Variants in CNKSR2 observed in about 807,000 individuals in gnomAD.
The protein encoded by CNKSR2 is connector enhancer of kinase suppressor of Ras 2, also known as CNK homolog protein 2.
A neutral mutation model predicts 84.4 loss-of-function variants in CNKSR2; 14 were observed. The ratio of observed to expected loss-of-function variants is 0.17; its 90% CI spans 0.11 to 0.26. The LOEUF is 0.26. CNKSR2 is among the 10% of genes least tolerant of loss of function. The pLI, the probability that CNKSR2 is intolerant of heterozygous loss-of-function variation, is 1.00. For missense variants in CNKSR2, 485 were observed against 771.2 expected, an observed-to-expected ratio of 0.63 and a Z score of 4.40; for synonymous variants, 275 against 277.9, an observed-to-expected ratio of 0.99 and a Z score of 0.10.
intron 10 of CNKSR2, among the ~76,000 whole-genome samples, chrX:21,531,546 G>C (rs1180458414): frequency 1.8e-5 from 2 of 110,984 alleles, no homozygotes; most frequent in Non-Finnish European, 3.8e-5. Flanking sequence ...AACACTAAAA[G>C]CAATTTATGT....
intron 1 of CNKSR2, among the ~76,000 whole-genome samples, chrX:21,402,625 A>G (rs2090207128): frequency 9.0e-6 from 1 of 110,816 alleles, no homozygotes; most frequent in Non-Finnish European, 1.9e-5. Context: ...TAGTAAATAA[A>G]TATTTTTATA....
intron 6 of CNKSR2, among the ~76,000 whole-genome samples, chrX:21,497,378 GTATAA>G (rs1426692672): frequency 9.0e-6 from 1 of 111,595 alleles, no homozygotes; most frequent in Non-Finnish European, 1.9e-5. Flanking sequence ...ACTTTCCATT[GTATAA>G]TATATCAAGT....
At chrX:21,480,991 A>C (rs2091313373) in intron 5 of CNKSR2, among the ~76,000 whole-genome samples, 1 of 112,144 alleles carries the variant, frequency 8.9e-6, no homozygotes, top group African/African-American at 3.2e-5. Context: ...GCCATTTAAA[A>C]GTTGAGTGAC....
intron 1 of CNKSR2, among the ~76,000 whole-genome samples, chrX:21,410,794 G>T (rs2090333790): frequency 9.1e-6 from 1 of 109,726 alleles, no homozygotes; most frequent in African/African-American, 3.3e-5. Flanking sequence ...AAAGGATTGT[G>T]TGTGTGTGTG....
intron 6 of CNKSR2, chrX:21,493,494 T>C (rs1460007995): frequency 8.9e-6 from 1 of 112,221 alleles, no homozygotes; most frequent in African/African-American, 3.2e-5. Context: ...AATGTCATTT[T>C]GGCAACCTGA....
At chrX:21,488,755 C>T (rs927059637) in intron 5 of CNKSR2, among the ~76,000 whole-genome samples, 2 of 111,226 alleles carry the variant, frequency 1.8e-5, no homozygotes, top group East Asian at 2.8e-4. Flanking sequence ...AAATAAATCT[C>T]GGGATCCCCA....
Position 21,470,914 on chromosome X carries a change from G to A in CNKSR2, c.561+107G>A, listed in dbSNP as rs750542116. The A allele has an allele frequency of 1.0e-4, 36 of 343,867 alleles. 1 individual carries two copies. In the Admixed American group the frequency reaches 1.4e-3, roughly 13 times the overall value. 28.3% of individuals were successfully genotyped at this position (343,867 alleles called of 1,213,427 possible). The stretch of plus-strand genomic sequence containing the variant: ...AATCTACTGACCACATCAGTTAAGT[G>A]TATTTTTATAGGAAATCTACAAAAC... On this transcript the variant is annotated intron_variant, in intron 5 of 21. Transcript: ENST00000379510.
chrX:21,642,323 T>C, intron 20 of CNKSR2: 1 of 750,633 alleles, frequency 1.3e-6, no homozygotes, highest in Non-Finnish European at 1.6e-6. Flanking sequence ...TTCTTGGCAC[T>C]TGTATACAAG....
intron 1 of CNKSR2, among the ~76,000 whole-genome samples, chrX:21,412,747 A>G (rs2090362972): frequency 8.9e-6 from 1 of 111,817 alleles, no homozygotes; most frequent in Admixed American, 9.5e-5. Context: ...ACATACCCAT[A>G]TGCCTCCCAA....
At chrX:21,617,896 C>A in intron 20 of CNKSR2, among the ~76,000 whole-genome samples, 1 of 77,434 alleles carries the variant, frequency 1.3e-5, no homozygotes. Context: ...CATACACTGC[C>A]CCCCCCACAA....
chrX:21,454,257 C>G (rs1003504794), intron 4 of CNKSR2, among the ~76,000 whole-genome samples: 1 of 111,434 alleles, frequency 9.0e-6, no homozygotes, highest in African/African-American at 3.3e-5. Context: ...ACAATAAACA[C>G]AATATTAAGT....
intron 3 of CNKSR2, among the ~76,000 whole-genome samples, chrX:21,435,756 A>G (rs1376029329): frequency 1.8e-5 from 2 of 112,001 alleles, no homozygotes; most frequent in Admixed American, 9.5e-5. Flanking sequence ...TACGTTGTAC[A>G]GTAACATTAG....
intron 20 of CNKSR2, chrX:21,643,611 T>C (rs1280114269): frequency 9.0e-6 from 1 of 111,573 alleles, no homozygotes; most frequent in Non-Finnish European, 1.9e-5. Context: ...ACTCAAACTG[T>C]TCTTTTAAGA....
At chrX:21,507,681 A>G (rs2147078600) in intron 8 of CNKSR2, among the ~76,000 whole-genome samples, 1 of 111,931 alleles carries the variant, frequency 8.9e-6, no homozygotes, top group African/African-American at 3.2e-5. Flanking sequence ...GACATTGTAA[A>G]AATCATTTAT....
chrX:21,374,453 T>C lies in CNKSR2; in HGVS notation c.-445T>C, dbSNP rs2089765031. The C allele has an allele frequency of 3.1e-6, 1 of 323,779 alleles. No homozygotes were observed. The highest frequency in any genetic ancestry group is 2.8e-5 in the African/African-American group (1 of 35,898). 26.7% of individuals were successfully genotyped at this position (323,779 alleles called of 1,213,427 possible). A position where few individuals can be genotyped will look rare whatever the true frequency, so the allele number is the denominator to read the frequency against. On this transcript the variant is annotated 5_prime_UTR_variant, in exon 1 of 22. Coordinates refer to ENST00000379510, the MANE Select transcript of CNKSR2 (RefSeq NM_014927.5). ...CCGGGCAGCTAGTCGTGCTCGGGGC[T>C]TCACTCCCGCGCGTGAGGCGAGCGG...
intron 8 of CNKSR2, chrX:21,504,341 T>C (rs1392137983): frequency 1.8e-5 from 2 of 111,743 alleles, no homozygotes; most frequent in South Asian, 7.4e-4. Context: ...AAATTTGAAA[T>C]ACATAACTAA....
intron 20 of CNKSR2, among the ~76,000 whole-genome samples, chrX:21,629,187 A>G (rs1197434916): frequency 8.9e-6 from 1 of 111,870 alleles, no homozygotes; most frequent in Non-Finnish European, 1.9e-5. Flanking sequence ...GTCTGAGACC[A>G]CCTCAGCCTG....
At chrX:21,378,220 A>G (rs2089847487) in intron 1 of CNKSR2, among the ~76,000 whole-genome samples, 1 of 111,787 alleles carries the variant, frequency 8.9e-6, no homozygotes, top group Non-Finnish European at 1.9e-5. Flanking sequence ...CTTCAAATTA[A>G]TTTTTAATAT....
chrX:21,554,695 G>A (rs1001793172), intron 11 of CNKSR2, among the ~76,000 whole-genome samples: 2 of 111,410 alleles, frequency 1.8e-5, no homozygotes, highest in African/African-American at 6.5e-5. Flanking sequence ...AGTATTCCAT[G>A]GTTTATATGT....
Sources: allele counts gnomAD v4.1 joint callset (sites outside exome capture counted in the v4.1 genomes callset), GRCh38; gene constraint gnomAD v4.1.1; transcripts MANE v1.5; gene names NCBI Gene and HGNC (gene_info 2026-07-23, HGNC 2026-07-21).